RPS6KB1: variants seen among roughly 807,000 people sequenced by gnomAD.
RPS6KB1 encodes ribosomal protein S6 kinase B1.
In RPS6KB1, 12 loss-of-function variants were observed where a neutral mutation model predicts 70.2. The observed-to-expected ratio is 0.17, with a 90% CI of 0.11 to 0.28. RPS6KB1 has a LOEUF of 0.28. RPS6KB1 is among the 10% of genes least tolerant of loss of function. The pLI is 1.00. For synonymous variants in RPS6KB1, 175 were observed against 211.2 expected (o/e 0.83, Z 1.49); for missense variants, 270 against 646.6 (o/e 0.42, Z 6.32).
In RPS6KB1 at chr17:59,934,399, G is replaced by A. The variant is rs776430780; in HGVS notation, c.780-35G>A. 30 of 1,572,470 alleles carry A rather than the reference G, an allele frequency of 1.9e-5. No individual in the cohort carries two copies. The highest frequency in any genetic ancestry group is 1.0e-4 in the Admixed American group (6 of 59,768). On this transcript the variant is annotated intron_variant, in intron 8 of 14. Transcript: ENST00000225577. The surrounding 1 kb of genome is among the most constrained non-coding windows in gnomAD (Gnocchi z 4.8). ...TCTAATTCAGATGATATGCAAATGG[G>A]TGAATTTTTAAGCATATTATTTTCC...
At chr17:59,933,116 G>T (rs2044033192) in intron 7 of RPS6KB1, among the ~76,000 whole-genome samples, 1 of 151,962 alleles carries the variant, frequency 6.6e-6, no homozygotes, top group Admixed American at 6.6e-5. Context: ...AATCCATGAG[G>T]TAGTTAATTG....
At chr17:59,915,879 A>G (rs1181893366) in intron 4 of RPS6KB1, among the ~76,000 whole-genome samples, 5 of 133,596 alleles carry the variant, frequency 3.7e-5, no homozygotes, top group Non-Finnish European at 7.7e-5. Flanking sequence ...TCCGCCTCCC[A>G]GGTTCAAGTG....
intron 2 of RPS6KB1, 101 bp downstream of exon 2, chr17:59,910,712 T>C (rs549176364): frequency 3.2e-5 from 24 of 744,894 alleles, no homozygotes; most frequent in Non-Finnish European, 5.0e-5. Context: ...AACCTGTTCT[T>C]AAATATGTAG....
chr17:59,933,257 C>G (rs2044046708), intron 7 of RPS6KB1, among the ~76,000 whole-genome samples: 1 of 150,786 alleles, frequency 6.6e-6, no homozygotes, highest in Non-Finnish European at 1.5e-5. Flanking sequence ...TCATGGGAAT[C>G]AGTGTCTCTT....
chr17:59,936,131 A>G (rs909381944), intron 10 of RPS6KB1, 84 bp from the exon 11 acceptor site: 42 of 1,268,464 alleles, frequency 3.3e-5, no homozygotes, highest in Admixed American at 6.7e-5. Flanking sequence ...TCTCAAGCCA[A>G]AGTAGACAAG....
chr17:59,934,692 A>G lies in RPS6KB1; in HGVS notation c.870+168A>G, dbSNP rs1035202525. 3.7e-6 allele frequency: 2 copies of G among 544,776 alleles called. No individual in the cohort carries two copies. Among genetic ancestry groups the G allele is most frequent in the Non-Finnish European group, 6.5e-6 (2 of 309,944 alleles). The allele number at this position is 544,776 out of a possible 1,614,324, so 33.7% of individuals were successfully genotyped here. On this transcript the variant is annotated intron_variant, in intron 9 of 14. Transcript: ENST00000225577. This position sits in a 1 kb window ranked among gnomAD's most constrained non-coding sequence, Gnocchi z 4.8. The stretch of plus-strand genomic sequence containing the variant: ...ATGCTGTATGATTATATGGGATCCC[A>G]TACTTTCCGAAACATTTTCTTTTAA...
intron 1 of RPS6KB1, among the ~76,000 whole-genome samples, chr17:59,897,689 G>A (rs922942703): frequency 6.6e-6 from 1 of 152,108 alleles, no homozygotes; most frequent in Non-Finnish European, 1.5e-5. Context: ...GTTTAAGGCC[G>A]GGCACAGTGG....
rs1479630103 is a variant in RPS6KB1, at chr17:59,908,986, G to A, written c.142-1576G>A. On this transcript the variant is annotated intron_variant, in intron 1 of 14. Transcript: ENST00000225577. ...TTGTTGCCCAGACTGGAGTGCAATG[G>A]CGCGATCTCGGCTCACTGCCATCTC... is the stretch of plus-strand genomic sequence containing the variant. Among the ~76,000 whole-genome samples the A allele has an allele frequency of 2.0e-5, 3 of 148,068 alleles. No individual in the cohort carries two copies. In the Admixed American group the frequency reaches 2.0e-4, roughly 10 times the overall value.
chr17:59,929,459 A>G (rs1427512503), intron 5 of RPS6KB1, among the ~76,000 whole-genome samples: 5 of 152,222 alleles, frequency 3.3e-5, no homozygotes, highest in Non-Finnish European at 7.3e-5. Flanking sequence ...ATGTTTGCCA[A>G]GTACTTTTTC....
chr17:59,920,376 C>G (rs529525494), intron 4 of RPS6KB1, among the ~76,000 whole-genome samples: 2 of 152,136 alleles, frequency 1.3e-5, no homozygotes, highest in African/African-American at 4.8e-5. Flanking sequence ...ATCAAAGTGA[C>G]TTTTTAAAAA....
At chr17:59,922,477 T>G (rs528281120) in intron 4 of RPS6KB1, among the ~76,000 whole-genome samples, 1 of 151,772 alleles carries the variant, frequency 6.6e-6, no homozygotes, top group Admixed American at 6.6e-5. Context: ...GTAGTGATTA[T>G]AAAATGGAGA....
intron 14 of RPS6KB1, 43 bp downstream of exon 14, chr17:59,945,561 A>G (rs1430818549): frequency 1.9e-6 from 2 of 1,056,562 alleles, no homozygotes; most frequent in Non-Finnish European, 2.9e-6. Context: ...TTTTTAAACA[A>G]CCTACAAGAG....
At chr17:59,910,497 A>G in intron 1 of RPS6KB1, 65 bp from the exon 2 acceptor site, 1 of 1,019,936 alleles carries the variant, frequency 9.8e-7, no homozygotes, top group Non-Finnish European at 1.5e-6. Context: ...TTATGAGACA[A>G]AGAATTAAAC....
chr17:59,950,516 T>TTAAC lies in RPS6KB1; in HGVS notation c.*3728_*3729insTAAC. 1.4e-5 allele frequency: 2 copies of TTAAC among 144,296 alleles called. No individual in the cohort carries two copies. The highest frequency in any genetic ancestry group is 4.1e-4 in the East Asian group (2 of 4,830). The allele number at this position is 144,296 out of a possible 1,614,324, so 8.9% of individuals were successfully genotyped here. A position where few individuals can be genotyped will look rare whatever the true frequency, so the allele number is the denominator to read the frequency against. ...TAAATGGTTTAAATTTATTTTAACA[T>TTAAC]GTCAGATGTGTTCAAGTTGTCATAT... On this transcript the variant is annotated 3_prime_UTR_variant, in exon 15 of 15. Coordinates refer to ENST00000225577, the MANE Select transcript of RPS6KB1 (RefSeq NM_003161.4).
At position 59,893,196 on chromosome 17, in the gene RPS6KB1, A is replaced by G. The variant is rs1426094846; in HGVS notation, c.12A>G (p.Arg4=). Residue 4 remains arginine, a synonymous_variant, in exon 1 of 15, where the codon CGA becomes CGG. Transcript: ENST00000225577. This position sits in a 1 kb window ranked among gnomAD's most constrained non-coding sequence, Gnocchi z 4.1. MRR[R]RRRDGFYPAP... The stretch of plus-strand genomic sequence containing the variant: ...GCGGGTCCGGGCCCATGAGGCGACG[A>G]AGGAGGCGGGACGGCTTTTACCCAG... The G allele has an allele frequency of 6.2e-7, 1 of 1,602,368 alleles. No homozygotes were observed. The highest frequency in any genetic ancestry group is 8.5e-7 in the Non-Finnish European group (1 of 1,175,436).
intron 1 of RPS6KB1, among the ~76,000 whole-genome samples, chr17:59,905,614 C>T (rs2042219445): frequency 6.6e-6 from 1 of 151,708 alleles, no homozygotes; most frequent in Non-Finnish European, 1.5e-5. Flanking sequence ...AAGCAATTCT[C>T]CTGCCTCAGC....
chr17:59,903,071 G>A (rs2042051380), intron 1 of RPS6KB1, among the ~76,000 whole-genome samples: 1 of 151,990 alleles, frequency 6.6e-6, no homozygotes, highest in East Asian at 1.9e-4. Context: ...ACTTTGGGAG[G>A]CCGAGCTGGG....
Position 59,946,695 on chromosome 17 carries a change from A to G in RPS6KB1, c.1485A>G (p.Pro495=), listed in dbSNP as rs1374166023. ...DVTMSGEASA[P]LPIRQPNSGP... is the part of the protein sequence containing the mutation. Reference sequence around the variant, plus strand: ...CAATGAGTGGGGAAGCATCGGCACCACTTCCAATACGACAGCCGAACTCTG... The same window carrying G: ...CAATGAGTGGGGAAGCATCGGCACCGCTTCCAATACGACAGCCGAACTCTG... Residue 495 remains proline, a synonymous_variant, in exon 15 of 15, where the codon CCA becomes CCG. Transcript: ENST00000225577. The surrounding 1 kb of genome is among the most constrained non-coding windows in gnomAD (Gnocchi z 4.2). 6.2e-7 allele frequency: 1 copy of G among 1,614,048 alleles called. No homozygotes were observed. The highest frequency in any genetic ancestry group is 8.5e-7 in the Non-Finnish European group (1 of 1,180,022).
chr17:59,934,518 T>A lies in RPS6KB1; in HGVS notation c.864T>A (p.Thr288=), dbSNP rs2044124398. ...GAGCATTAATGTATGACATGCTGACTGGAGCAGTAGGTGCACAGTTAAAAG... is the reference window on the plus strand; with the variant it reads ...GAGCATTAATGTATGACATGCTGACAGGAGCAGTAGGTGCACAGTTAAAAG... The part of the protein sequence containing the change: ...SLGALMYDML[T]GAPPFTGENR... The change falls in exon 9 of 15, where the codon ACT becomes ACA. Residue 288 remains threonine, a synonymous_variant. Coordinates refer to ENST00000225577, the MANE Select transcript of RPS6KB1 (RefSeq NM_003161.4). This position sits in a 1 kb window ranked among gnomAD's most constrained non-coding sequence, Gnocchi z 4.8. The A allele has an allele frequency of 6.2e-7, 1 of 1,611,542 alleles. No homozygotes were observed. The highest frequency in any genetic ancestry group is 2.2e-5 in the East Asian group (1 of 44,866).
Sources: allele counts gnomAD v4.1 joint callset (sites outside exome capture counted in the v4.1 genomes callset), GRCh38; gene constraint gnomAD v4.1.1; non-coding constraint Gnocchi (gnomAD v3.1); transcripts MANE v1.5; gene names NCBI Gene and HGNC (gene_info 2026-07-23, HGNC 2026-07-21).